The following HNRNPUL1 variants were observed in gnomAD, a reference collection of about 807,000 sequenced individuals.
HNRNPUL1 encodes the protein heterogeneous nuclear ribonucleoprotein U-like protein 1.
A neutral mutation model predicts 108.5 loss-of-function variants in HNRNPUL1; 14 were observed. That is an observed-to-expected ratio of 0.13 (90% confidence interval 0.09 to 0.20). The LOEUF is 0.20. Among genes scored for constraint, HNRNPUL1 ranks in the 10% least tolerant of loss-of-function variants. The pLI is 1.00. For missense variants in HNRNPUL1, 804 were observed against 1,168.3 expected (o/e 0.69, Z 4.55); for synonymous variants, 422 against 445.2 (o/e 0.95, Z 0.66).
rs756724566 is a variant in HNRNPUL1, at chr19:41,279,128, C to A, written c.838C>A (p.His280Asn). The A allele has an allele frequency of 6.8e-6, 11 of 1,614,082 alleles. No individual in the cohort carries two copies. In the East Asian group the frequency reaches 1.6e-4, roughly 23 times the overall value. Residue 280 changes from histidine (H) to asparagine (N), a missense_variant, in exon 6 of 15, where the codon CAC (histidine) becomes AAC (asparagine). Around this residue, in one of 4 missense-constraint regions of HNRNPUL1, gnomAD observed 174 missense variants for 296.6 expected, o/e 0.59. Transcript: ENST00000392006. ...CCTTCCGTCTACAGAGCCTGACCCC[C>A]ACGTGGTCCGTATCGGCTGGTCCCT... ...KHLPSTEPDP[H>N]VVRIGWSLDS...
At chr19:41,266,428 C>G (rs564200067) in intron 1 of HNRNPUL1, among the ~76,000 whole-genome samples, 1 of 151,808 alleles carries the variant, frequency 6.6e-6, no homozygotes, top group Non-Finnish European at 1.5e-5. Flanking sequence ...AGTGAAACTC[C>G]GTCTCAAAAA....
rs200710160 is a variant in HNRNPUL1, at chr19:41,269,348, C to T, written c.418+1003C>T. 7.9e-5 allele frequency among the ~76,000 whole-genome samples: 12 copies of T among 151,856 alleles called. 1 individual carries two copies. The East Asian group carries it at 1.4e-3, about 17-fold the overall frequency. On this transcript the variant is annotated intron_variant, in intron 2 of 14. Coordinates refer to ENST00000392006, the MANE Select transcript of HNRNPUL1 (RefSeq NM_007040.6). Reference sequence around the variant, plus strand: ...AGGCATGGCTATGACTGACTACATGCACACACCTATAGTTAAAGCTACTCA... The same window carrying T: ...AGGCATGGCTATGACTGACTACATGTACACACCTATAGTTAAAGCTACTCA...
intron 13 of HNRNPUL1, 52 bp from the exon 14 acceptor site, chr19:41,305,624 G>A: frequency 6.2e-7 from 1 of 1,610,142 alleles, no homozygotes; most frequent in Non-Finnish European, 8.5e-7. Context: ...TTTCACATCT[G>A]CAGATTTCCT....
At chr19:41,290,887 T>C (rs1308069668) in intron 7 of HNRNPUL1, among the ~76,000 whole-genome samples, 1 of 151,926 alleles carries the variant, frequency 6.6e-6, no homozygotes, top group Non-Finnish European at 1.5e-5. Flanking sequence ...AGAAACCCCG[T>C]CTACTAAAAA....
intron 10 of HNRNPUL1, among the ~76,000 whole-genome samples, chr19:41,299,789 C>T (rs1401205767): frequency 6.6e-6 from 1 of 151,944 alleles, no homozygotes; most frequent in South Asian, 2.1e-4. Context: ...ACTGTTCCTG[C>T]TTTTCTGCTT....
At chr19:41,287,549 G>C (rs947406257) in intron 7 of HNRNPUL1, among the ~76,000 whole-genome samples, 10 of 151,766 alleles carry the variant, frequency 6.6e-5, no homozygotes, top group African/African-American at 9.7e-5. Flanking sequence ...TGCATTTCAG[G>C]ATCTCAGTAT....
chr19:41,284,734 A>G lies in HNRNPUL1; in HGVS notation c.999+3459A>G, dbSNP rs576343428. On this transcript the variant is annotated intron_variant, in intron 7 of 14. Transcript: ENST00000392006. Reference sequence around the variant, plus strand: ...GCATACCTGCCGGGCACGGTGGCTCACGCCTGTAATCCCAGCACTTTGGGC... The same window carrying G: ...GCATACCTGCCGGGCACGGTGGCTCGCGCCTGTAATCCCAGCACTTTGGGC... Among the ~76,000 whole-genome samples, 8 of 152,242 alleles carry G rather than the reference A, an allele frequency of 5.3e-5. No individual in the cohort carries two copies. In the South Asian group the frequency reaches 1.7e-3, roughly 32 times the overall value.
At position 41,272,185 on chromosome 19, in the gene HNRNPUL1, T is replaced by C; in HGVS notation, c.522T>C (p.Pro174=). Reference sequence around the variant, plus strand: ...AGCAATTCCAGAGTCGAAAGAGGCCTTATGAAGAAAACCGGGGACGGGGGT... The same window carrying C: ...AGCAATTCCAGAGTCGAAAGAGGCCCTATGAAGAAAACCGGGGACGGGGGT... ...DRQQFQSRKR[P]YEENRGRGYF... is the part of the protein sequence containing the mutation. The change falls in exon 3 of 15, where the codon CCT becomes CCC. Residue 174 remains proline (P), a synonymous_variant. Transcript: ENST00000392006. 1 of 1,614,050 alleles carries C rather than the reference T, an allele frequency of 6.2e-7. No individual in the cohort carries two copies.
chr19:41,285,498 C>A (rs899389002), intron 7 of HNRNPUL1, among the ~76,000 whole-genome samples: 2 of 152,126 alleles, frequency 1.3e-5, no homozygotes, highest in Non-Finnish European at 2.9e-5. Context: ...AGACACCATG[C>A]CCAGCAAATT....
chr19:41,298,042 T>G (rs1425662015), intron 10 of HNRNPUL1, among the ~76,000 whole-genome samples: 2 of 152,174 alleles, frequency 1.3e-5, no homozygotes, highest in Non-Finnish European at 2.9e-5. Flanking sequence ...AAAGTAAATC[T>G]TTCCTCATCA....
chr19:41,297,690 G>A (rs569667194), intron 10 of HNRNPUL1, among the ~76,000 whole-genome samples: 1 of 152,312 alleles, frequency 6.6e-6, no homozygotes, highest in African/African-American at 2.4e-5. Flanking sequence ...ACTGTTGCCT[G>A]GGAGTTCCGT....
intron 7 of HNRNPUL1, among the ~76,000 whole-genome samples, chr19:41,289,049 A>C (rs1290351602): frequency 6.6e-6 from 1 of 152,142 alleles, no homozygotes; most frequent in African/African-American, 2.4e-5. Flanking sequence ...CTACACTCCA[A>C]ACAGGTTGCA....
chr19:41,265,117 A>G, intron 1 of HNRNPUL1: 1 of 1,419,056 alleles, frequency 7.0e-7, no homozygotes, highest in Non-Finnish European at 9.2e-7. Flanking sequence ...TCGGAAGAAC[A>G]AGAGGTTTTC....
intron 10 of HNRNPUL1, among the ~76,000 whole-genome samples, chr19:41,299,630 G>A (rs1042842998): frequency 6.6e-6 from 1 of 152,248 alleles, no homozygotes; most frequent in Non-Finnish European, 1.5e-5. Flanking sequence ...GAGCCAGGAC[G>A]AGGGTGATGA....
intron 10 of HNRNPUL1, among the ~76,000 whole-genome samples, chr19:41,296,222 G>A (rs1005543708): frequency 6.6e-6 from 1 of 152,144 alleles, no homozygotes; most frequent in Non-Finnish European, 1.5e-5. Context: ...AGAGTGGATC[G>A]TCTAACATCT....
chr19:41,266,937 C>T (rs888825816), intron 1 of HNRNPUL1, among the ~76,000 whole-genome samples: 6 of 152,076 alleles, frequency 3.9e-5, no homozygotes, highest in Non-Finnish European at 7.3e-5. Context: ...CAGGAGGGAT[C>T]GTGGCAGGAA....
chr19:41,272,405 A>C, intron 3 of HNRNPUL1, 170 bp downstream of exon 3: 1 of 673,698 alleles, frequency 1.5e-6, no homozygotes, highest in Non-Finnish European at 2.4e-6. Flanking sequence ...GCTTTCCTAA[A>C]CTTTTGGTCC....
intron 2 of HNRNPUL1, among the ~76,000 whole-genome samples, chr19:41,269,590 C>T (rs1847090700): frequency 6.6e-6 from 1 of 151,762 alleles, no homozygotes; most frequent in South Asian, 2.1e-4. Flanking sequence ...ATCACTTGAG[C>T]CTAGGAATCC....
intron 4 of HNRNPUL1, among the ~76,000 whole-genome samples, chr19:41,274,909 T>C (rs1034186620): frequency 1.3e-5 from 2 of 152,080 alleles, no homozygotes; most frequent in African/African-American, 4.8e-5. Context: ...TTAAAAAGTG[T>C]TGGGTGGCAG....
Sources: gnomAD v4.1 joint callset for allele counts (sites outside exome capture counted in the v4.1 genomes callset) on GRCh38, gnomAD v4.1.1 for gene constraint, gnomAD v4.1.1 regional missense constraint, MANE v1.5 for transcripts, NCBI Gene and HGNC (gene_info 2026-07-23, HGNC 2026-07-21) for gene names.